Variants in CCDC80 observed in about 807,000 individuals in gnomAD.
The protein encoded by CCDC80 is coiled-coil domain containing 80.
Under a neutral mutation model 78.7 loss-of-function variants are expected in CCDC80, and 49 were observed. That is an observed-to-expected ratio of 0.62 (90% CI 0.50 to 0.79). CCDC80 has a LOEUF of 0.79. Among genes scored for constraint, CCDC80 ranks in the 30% least tolerant of loss-of-function variants. CCDC80 has a pLI of 0.00. For missense variants in CCDC80, 1,205 were observed against 1,198.6 expected, an observed-to-expected ratio of 1.01 and a Z score of -0.08; for synonymous variants, 488 against 447.0, an observed-to-expected ratio of 1.09 and a Z score of -1.16.
At chr3:112,616,466 A>G (rs1456660740) in intron 5 of CCDC80, among the ~76,000 whole-genome samples, 8 of 149,524 alleles carry the variant, frequency 5.4e-5, no homozygotes, top group African/African-American at 1.5e-4. Context: ...AAAAAAACAG[A>G]GAAAAGACCT....
At chr3:112,607,092 T>C (rs919832556) in intron 7 of CCDC80, 84 bp downstream of exon 7, 34 of 994,120 alleles carry the variant, frequency 3.4e-5, no homozygotes, top group Non-Finnish European at 4.8e-5. Context: ...ACCTTAGAGA[T>C]ACACCCACTG....
Position 112,597,026 on chromosome 3 carries a change from T to A in CCDC80, c.*8391A>T, listed in dbSNP as rs1935294038. The A allele has an allele frequency of 6.6e-6, 1 of 152,202 alleles. No homozygotes were observed. The highest frequency in any genetic ancestry group is 2.1e-4 in the South Asian group (1 of 4,832). 9.4% of individuals were successfully genotyped at this position (152,202 alleles called of 1,614,324 possible). A position where few individuals can be genotyped will look rare whatever the true frequency, so the allele number is the denominator to read the frequency against. ...CAGGGTCTTTATGTCTGTCTGGTCA[T>A]GTTATCAGCCAGTCTTACTTAATGT... On this transcript the variant is annotated 3_prime_UTR_variant, in exon 8 of 8. Coordinates refer to ENST00000206423, the MANE Select transcript of CCDC80 (RefSeq NM_199511.3).
At chr3:112,628,774 C>A (rs1936031971) in intron 3 of CCDC80, among the ~76,000 whole-genome samples, 1 of 151,290 alleles carries the variant, frequency 6.6e-6, no homozygotes, top group South Asian at 2.1e-4. Flanking sequence ...AATCATCAAT[C>A]CACAATAATT....
intron 4 of CCDC80, 147 bp downstream of exon 4, chr3:112,618,821 A>G (rs1935804601): frequency 1.3e-6 from 1 of 763,714 alleles, no homozygotes; most frequent in Non-Finnish European, 2.0e-6. Flanking sequence ...TTCGTAGGAC[A>G]ACATGGAAAA....
chr3:112,605,710 G>A lies in CCDC80; in HGVS notation c.2560C>T (p.Arg854Cys). ...DVPAHLVKDI[R>C]NYFQVSPEYF... ...TCCGGGCTCACTTGAAAATAGTTACGAATGTCTTTCACCAAATGGGCTGGT... is the reference window on the plus strand; with the variant it reads ...TCCGGGCTCACTTGAAAATAGTTACAAATGTCTTTCACCAAATGGGCTGGT... Residue 854 changes from arginine to cysteine, a missense_variant, in exon 8 of 8, where the codon CGT becomes TGT. Physicochemically the swap from Arg to Cys is radical, Grantham distance 180 (BLOSUM62 -3). Coordinates refer to ENST00000206423, the MANE Select transcript of CCDC80 (RefSeq NM_199511.3). 9.3e-6 allele frequency: 15 copies of A among 1,614,148 alleles called. No homozygotes were observed. Among genetic ancestry groups the A allele is most frequent in the Non-Finnish European group, 1.1e-5 (13 of 1,180,018 alleles).
chr3:112,602,941 T>TA lies in CCDC80; in HGVS notation c.*2475dup, dbSNP rs1467339852. 1.3e-5 allele frequency: 2 copies of TA among 153,784 alleles called. No individual in the cohort carries two copies. The highest frequency in any genetic ancestry group is 2.4e-5 in the African/African-American group (1 of 41,480). 9.5% of individuals were successfully genotyped at this position (153,784 alleles called of 1,614,324 possible). On this transcript the variant is annotated 3_prime_UTR_variant, in exon 8 of 8. Transcript: ENST00000206423. ...TTGGAAGAAGATGCCATCTCAGACT[T>TA]ACGTATCTAGAGAGGAGTAGTCAAT...
chr3:112,600,660 C>T lies in CCDC80; in HGVS notation c.*4757G>A, dbSNP rs937285797. 3 of 152,524 alleles carry T rather than the reference C, an allele frequency of 2.0e-5. No individual in the cohort carries two copies. Among genetic ancestry groups the T allele is most frequent in the Non-Finnish European group, 4.4e-5 (3 of 68,382 alleles). 9.4% of individuals were successfully genotyped at this position (152,524 alleles called of 1,614,324 possible). ...GGGACCACAGACACACACCACCTTA[C>T]CCAGCTAATTTTTTGTATTTTTTTG... On this transcript the variant is annotated 3_prime_UTR_variant, in exon 8 of 8. Coordinates refer to ENST00000206423, the MANE Select transcript of CCDC80 (RefSeq NM_199511.3).
In CCDC80 at chr3:112,604,843, C is replaced by T. The variant is rs1576776876; in HGVS notation, c.*574G>A. ...AAGTGGCTATGATAACAAAGCTGGG[C>T]TTGGTACTTTCTCTGGCTTTTGTGG... On this transcript the variant is annotated 3_prime_UTR_variant, in exon 8 of 8. Coordinates refer to ENST00000206423, the MANE Select transcript of CCDC80 (RefSeq NM_199511.3). 6.6e-6 allele frequency: 1 copy of T among 152,254 alleles called. No homozygotes were observed. Among genetic ancestry groups the T allele is most frequent in the Non-Finnish European group, 1.5e-5 (1 of 68,026 alleles). 9.4% of individuals were successfully genotyped at this position (152,254 alleles called of 1,614,324 possible).
rs1239515174 is a variant in CCDC80 at position 112,603,987 on chromosome 3, G to C, written c.*1430C>G. On this transcript the variant is annotated 3_prime_UTR_variant, in exon 8 of 8. Coordinates refer to ENST00000206423, the MANE Select transcript of CCDC80 (RefSeq NM_199511.3). ...GCTATAGACATAGTGGAAATAGCAA[G>C]AGAACTGGAATTAGAAGTGGAGCCT... The C allele has an allele frequency of 6.6e-6, 1 of 152,228 alleles. No individual in the cohort carries two copies. Among genetic ancestry groups the C allele is most frequent in the Non-Finnish European group, 1.5e-5 (1 of 68,050 alleles). 9.4% of individuals were successfully genotyped at this position (152,228 alleles called of 1,614,324 possible).
chr3:112,635,437 C>T (rs1336283476), intron 2 of CCDC80, among the ~76,000 whole-genome samples: 2 of 152,172 alleles, frequency 1.3e-5, no homozygotes, highest in Non-Finnish European at 2.9e-5. Context: ...CACTGAGCTT[C>T]CTGAGTAACA....
Position 112,600,269 on chromosome 3 carries a change from T to C in CCDC80, c.*5148A>G, listed in dbSNP as rs1004070786. The C allele has an allele frequency of 6.6e-6, 1 of 152,222 alleles. No individual in the cohort carries two copies. The highest frequency in any genetic ancestry group is 1.5e-5 in the Non-Finnish European group (1 of 68,036). 9.4% of individuals were successfully genotyped at this position (152,222 alleles called of 1,614,324 possible). A position where few individuals can be genotyped will look rare whatever the true frequency, so the allele number is the denominator to read the frequency against. ...ATGTCTTATTTTATAGTCCTCCAAA[T>C]GATGATCTATGACTTCTCTGCCTGC... On this transcript the variant is annotated 3_prime_UTR_variant, in exon 8 of 8. Coordinates refer to ENST00000206423, the MANE Select transcript of CCDC80 (RefSeq NM_199511.3).
At chr3:112,605,845 G>A (rs1935476110) in intron 7 of CCDC80, 82 bp from the exon 8 acceptor site, 3 of 1,155,878 alleles carry the variant, frequency 2.6e-6, no homozygotes, top group Non-Finnish European at 1.2e-6. Flanking sequence ...GGAAATTACT[G>A]TGAGAATAGG....
chr3:112,619,377 A>C (rs1237045071), intron 3 of CCDC80, among the ~76,000 whole-genome samples: 1 of 152,228 alleles, frequency 6.6e-6, no homozygotes, highest in Non-Finnish European at 1.5e-5. Flanking sequence ...GAACAAAGTG[A>C]GAGTGGAGAC....
intron 3 of CCDC80, among the ~76,000 whole-genome samples, chr3:112,621,325 G>A (rs1012735728): frequency 6.6e-6 from 1 of 152,166 alleles, no homozygotes; most frequent in Non-Finnish European, 1.5e-5. Flanking sequence ...TGGAGGTTTA[G>A]TCAAGCCAAG....
chr3:112,613,402 C>T (rs930718109), intron 5 of CCDC80, among the ~76,000 whole-genome samples: 2 of 151,694 alleles, frequency 1.3e-5, no homozygotes, highest in African/African-American at 4.9e-5. Context: ...AGATAAGAGC[C>T]CATAAAACTC....
rs1425426677 is a variant in CCDC80, at chr3:112,605,749, C to T, written c.2521G>A (p.Glu841Lys). ...AAATGGGCTGGTACGTCTTCTCGCT[C>T]AACAACAGAGCTCCCTAGAATAACA... The part of the protein sequence containing the change: ...LFPINGSSVV[E>K]REDVPAHLVK... Residue 841 changes from glutamate (E) to lysine (K), a missense_variant, in exon 8 of 8, where the codon GAG (glutamate) becomes AAG (lysine). By Grantham distance (56) the Glu-to-Lys change is moderately conservative. Coordinates refer to ENST00000206423, the MANE Select transcript of CCDC80 (RefSeq NM_199511.3). The T allele has an allele frequency of 1.2e-6, 2 of 1,613,544 alleles. No individual in the cohort carries two copies. Among genetic ancestry groups the T allele is most frequent in the East Asian group, 2.2e-5 (1 of 44,868 alleles).
intron 2 of CCDC80, among the ~76,000 whole-genome samples, chr3:112,632,697 T>C (rs1443751601): frequency 1.3e-5 from 2 of 152,192 alleles, no homozygotes; most frequent in Non-Finnish European, 2.9e-5. Context: ...AGGCCATGGA[T>C]ACCCAGTGGG....
At chr3:112,613,888 A>C (rs1220997021) in intron 5 of CCDC80, among the ~76,000 whole-genome samples, 1 of 151,622 alleles carries the variant, frequency 6.6e-6, no homozygotes, top group Non-Finnish European at 1.5e-5. Flanking sequence ...TTCTGGTTAT[A>C]TATGTATATG....
In CCDC80 at chr3:112,599,791, C is replaced by T. The variant is rs191684954; in HGVS notation, c.*5626G>A. 1 of 152,274 alleles carries T rather than the reference C, an allele frequency of 6.6e-6. No individual in the cohort carries two copies. Among genetic ancestry groups the T allele is most frequent in the Admixed American group, 6.5e-5 (1 of 15,296 alleles). 9.4% of individuals were successfully genotyped at this position (152,274 alleles called of 1,614,324 possible). A position where few individuals can be genotyped will look rare whatever the true frequency, so the allele number is the denominator to read the frequency against. ...GTGTCTGGACCTCCTGCCTATGTAG[C>T]AGAAAAGGATCTTTCTGCTGAATTA... On this transcript the variant is annotated 3_prime_UTR_variant, in exon 8 of 8. Transcript: ENST00000206423.
Sources: gnomAD v4.1 joint callset for allele counts (sites outside exome capture counted in the v4.1 genomes callset) on GRCh38, gnomAD v4.1.1 for gene constraint, MANE v1.5 for transcripts, NCBI Gene and HGNC (gene_info 2026-07-23, HGNC 2026-07-21) for gene names.